Variants in ADGRL3 observed in about 807,000 individuals in gnomAD.
ADGRL3 encodes calcium-independent alpha-latrotoxin receptor 3.
Under a neutral mutation model 153.5 loss-of-function variants are expected in ADGRL3, and 62 were observed. The observed-to-expected ratio is 0.40, with a 90% CI of 0.33 to 0.50. The LOEUF (loss-of-function observed/expected upper bound fraction) is 0.50, where lower values mean the gene tolerates loss of function less well. ADGRL3 is among the 20% of genes least tolerant of loss of function. ADGRL3 has a pLI of 0.47. For missense variants in ADGRL3, 1,641 were observed against 1,859.4 expected (o/e 0.88, Z 2.16); for synonymous variants, 710 against 672.5 (o/e 1.06, Z -0.86).
At chr4:61,418,998 A>G (rs1017482577) in intron 2 of ADGRL3, among the ~76,000 whole-genome samples, 1 of 150,330 alleles carries the variant, frequency 6.7e-6, no homozygotes, top group Non-Finnish European at 1.5e-5. Flanking sequence ...AAGCTTTACT[A>G]TGGTTTCAAT....
intron 1 of ADGRL3, among the ~76,000 whole-genome samples, chr4:61,220,529 G>A (rs1230243293): frequency 6.6e-6 from 1 of 152,134 alleles, no homozygotes; most frequent in African/African-American, 2.4e-5. Context: ...TAATACACGG[G>A]CAGAAGGTTT....
chr4:61,660,235 T>A (rs894381222), intron 5 of ADGRL3, among the ~76,000 whole-genome samples: 1 of 152,202 alleles, frequency 6.6e-6, no homozygotes, highest in Non-Finnish European at 1.5e-5. Flanking sequence ...TTACATTTCC[T>A]CTACAGTTTC....
chr4:62,055,679 T>A (rs936404328), intron 25 of ADGRL3, among the ~76,000 whole-genome samples: 3 of 151,830 alleles, frequency 2.0e-5, no homozygotes, highest in African/African-American at 7.2e-5. Context: ...TTGTTTTTTT[T>A]AATAAGTGAC....
At chr4:61,484,759 G>T (rs1310546802) in intron 2 of ADGRL3, among the ~76,000 whole-genome samples, 2 of 152,048 alleles carry the variant, frequency 1.3e-5, no homozygotes, top group Non-Finnish European at 2.9e-5. Flanking sequence ...GAACTTCAAA[G>T]ATTAAAATTA....
intron 6 of ADGRL3, among the ~76,000 whole-genome samples, chr4:61,709,970 G>A (rs74989247): frequency 0.011 from 1,691 of 152,270 alleles, 21 homozygotes; most frequent in Middle Eastern, 0.027. Context: ...TCTTAGAAAA[G>A]TATTCAAGGA....
chr4:61,507,755 A>G (rs533687877), intron 3 of ADGRL3, among the ~76,000 whole-genome samples: 1 of 152,266 alleles, frequency 6.6e-6, no homozygotes, highest in African/African-American at 2.4e-5. Flanking sequence ...TGTCTTCAGA[A>G]ATGCCAGTTA....
chr4:61,978,595 T>G (rs1049019671), intron 17 of ADGRL3, among the ~76,000 whole-genome samples: 1 of 152,162 alleles, frequency 6.6e-6, no homozygotes, highest in Non-Finnish European at 1.5e-5. Flanking sequence ...CTCTGTAAAT[T>G]CTAAAGATTC....
intron 1 of ADGRL3, among the ~76,000 whole-genome samples, chr4:61,306,132 C>T (rs2094776054): frequency 6.6e-6 from 1 of 151,890 alleles, no homozygotes; most frequent in East Asian, 1.9e-4. Context: ...GAGTCTTGCT[C>T]TGTCACCCAG....
intron 13 of ADGRL3, among the ~76,000 whole-genome samples, chr4:61,929,905 T>A (rs1283511246): frequency 6.6e-6 from 1 of 152,188 alleles, no homozygotes. Context: ...TCAGACACAG[T>A]GGCTCACGCC....
chr4:62,001,592 T>C (rs2151102113), intron 21 of ADGRL3, among the ~76,000 whole-genome samples: 1 of 152,274 alleles, frequency 6.6e-6, no homozygotes, highest in South Asian at 2.1e-4. Flanking sequence ...CAGCAGGGCA[T>C]AATTGCTAAA....
chr4:61,555,833 G>A (rs2098763358), intron 4 of ADGRL3, among the ~76,000 whole-genome samples: 1 of 152,170 alleles, frequency 6.6e-6, no homozygotes, highest in Admixed American at 6.5e-5. Flanking sequence ...ACTTCCTGAT[G>A]TTGCCATGGC....
chr4:61,875,788 A>C (rs1006402140), intron 9 of ADGRL3, among the ~76,000 whole-genome samples: 1 of 152,248 alleles, frequency 6.6e-6, no homozygotes, highest in East Asian at 1.9e-4. Flanking sequence ...ACTGTAAGGC[A>C]TATTCTGTGG....
At chr4:61,863,634 A>G (rs547707218) in intron 9 of ADGRL3, among the ~76,000 whole-genome samples, 1 of 152,328 alleles carries the variant, frequency 6.6e-6, no homozygotes, top group Admixed American at 6.5e-5. Flanking sequence ...ATATATGTAC[A>G]TATGAAATAG....
At chr4:61,481,445 A>C (rs575722336) in intron 2 of ADGRL3, among the ~76,000 whole-genome samples, 1 of 152,120 alleles carries the variant, frequency 6.6e-6, no homozygotes, top group Non-Finnish European at 1.5e-5. Context: ...CATGTCCTTC[A>C]TGTGGGCAAA....
At chr4:61,280,059 T>G (rs1165619418) in intron 1 of ADGRL3, among the ~76,000 whole-genome samples, 1 of 152,094 alleles carries the variant, frequency 6.6e-6, no homozygotes, top group Non-Finnish European at 1.5e-5. Flanking sequence ...CCCAGGCAGT[T>G]TATTTCTTTC....
At chr4:61,836,037 C>T (rs1265464032) in intron 9 of ADGRL3, among the ~76,000 whole-genome samples, 1 of 152,060 alleles carries the variant, frequency 6.6e-6, no homozygotes, top group Non-Finnish European at 1.5e-5. Flanking sequence ...AAGTTAAGCT[C>T]TTAAAGACAA....
intron 1 of ADGRL3, among the ~76,000 whole-genome samples, chr4:61,381,175 GA>G (rs1182797906): frequency 2.0e-5 from 3 of 151,746 alleles, no homozygotes; most frequent in Non-Finnish European, 4.4e-5. Flanking sequence ...CCTATAAAAA[GA>G]AAAAGAATCT....
At chr4:61,292,490 T>C (rs1036286236) in intron 1 of ADGRL3, among the ~76,000 whole-genome samples, 1 of 152,298 alleles carries the variant, frequency 6.6e-6, no homozygotes, top group South Asian at 2.1e-4. Context: ...CATGTTATTA[T>C]CTTTTGTTTA....
intron 8 of ADGRL3, among the ~76,000 whole-genome samples, chr4:61,764,480 G>A (rs1189443981): frequency 1.3e-5 from 2 of 150,150 alleles, no homozygotes; most frequent in Non-Finnish European, 2.9e-5. Flanking sequence ...GATGCTTTTG[G>A]AGCCAGGATG....
Sources: allele counts gnomAD v4.1 joint callset (sites outside exome capture counted in the v4.1 genomes callset), GRCh38; gene constraint gnomAD v4.1.1; transcripts MANE v1.5; gene names NCBI Gene and HGNC (gene_info 2026-07-23, HGNC 2026-07-21).